The following XYLT1 variants were observed in gnomAD, a reference collection of about 807,000 sequenced individuals.
XYLT1 encodes the protein xylosyltransferase 1.
In XYLT1, 36 loss-of-function variants were observed where a neutral mutation model predicts 91.3. The ratio of observed to expected loss-of-function variants is 0.39; its 90% CI spans 0.30 to 0.52. XYLT1 has a LOEUF of 0.52. Ranked by LOEUF, XYLT1 falls within the 20% of genes least tolerant of loss-of-function variation. The pLI, the probability that XYLT1 is intolerant of heterozygous loss-of-function variation, is 0.68. For missense variants in XYLT1, 1,242 were observed against 1,284.5 expected, an observed-to-expected ratio of 0.97 and a Z score of 0.51; for synonymous variants, 588 against 532.0, an observed-to-expected ratio of 1.11 and a Z score of -1.45.
chr16:17,164,430 T>C (rs1326530293), intron 5 of XYLT1, among the ~76,000 whole-genome samples: 1 of 152,180 alleles, frequency 6.6e-6, no homozygotes, highest in Admixed American at 6.5e-5. Context: ...TGGTACTGGA[T>C]GGATTCACAT....
At chr16:17,240,588 G>A (rs574055806) in intron 3 of XYLT1, among the ~76,000 whole-genome samples, 1 of 152,340 alleles carries the variant, frequency 6.6e-6, no homozygotes, top group East Asian at 1.9e-4. Flanking sequence ...GAATTGGAAG[G>A]TCTTGCTGCT....
At chr16:17,391,973 C>T (rs1419396866) in intron 1 of XYLT1, among the ~76,000 whole-genome samples, 1 of 152,198 alleles carries the variant, frequency 6.6e-6, no homozygotes, top group African/African-American at 2.4e-5. Flanking sequence ...CCATGTGGAA[C>T]GTTGAGTCAG....
At chr16:17,191,827 G>C (rs1207356498) in intron 5 of XYLT1, among the ~76,000 whole-genome samples, 2 of 152,206 alleles carry the variant, frequency 1.3e-5, no homozygotes, top group African/African-American at 2.4e-5. Context: ...ATGTCCATGT[G>C]GTGGGCCCTG....
intron 11 of XYLT1, among the ~76,000 whole-genome samples, chr16:17,116,821 G>A (rs534624752): frequency 6.6e-6 from 1 of 152,138 alleles, no homozygotes; most frequent in African/African-American, 2.4e-5. Flanking sequence ...TATCTGTCAC[G>A]CATTTCCCAA....
chr16:17,344,291 G>A (rs535219706), intron 2 of XYLT1, among the ~76,000 whole-genome samples: 67 of 150,492 alleles, frequency 4.5e-4, no homozygotes, highest in South Asian at 2.7e-3. Context: ...GACCATCCTG[G>A]CTAACACGGT....
chr16:17,371,909 T>A (rs2035538249), intron 1 of XYLT1, among the ~76,000 whole-genome samples: 1 of 152,240 alleles, frequency 6.6e-6, no homozygotes, highest in Non-Finnish European at 1.5e-5. Context: ...CATACAGGTA[T>A]GCATGTGTGG....
rs1307002025 is a variant in XYLT1 at position 17,259,115 on chromosome 16, C to T, written c.786G>A (p.Lys262=). The change falls in exon 3 of 12, where the codon AAG becomes AAA. Residue 262 remains lysine (K), a synonymous_variant. Coordinates refer to ENST00000261381, the MANE Select transcript of XYLT1 (RefSeq NM_022166.4). The part of the protein sequence containing the change: ...DQPPKCDISG[K]EAISALSRAK... ...CACGGGACAGGGCAGAGATGGCCTC[C>T]TTGCCTGAGATGTCACACTTAGGGG... 2 of 1,574,528 alleles carry T rather than the reference C, an allele frequency of 1.3e-6. No individual in the cohort carries two copies. The highest frequency in any genetic ancestry group is 1.7e-6 in the Non-Finnish European group (2 of 1,161,306).
At chr16:17,463,754 G>A (rs1055158368) in intron 1 of XYLT1, among the ~76,000 whole-genome samples, 4 of 152,350 alleles carry the variant, frequency 2.6e-5, no homozygotes, top group Non-Finnish European at 5.9e-5. Flanking sequence ...CCAAAGGAAA[G>A]GAAATCAATA....
chr16:17,125,033 C>G (rs1226759453), intron 10 of XYLT1, among the ~76,000 whole-genome samples: 1 of 152,120 alleles, frequency 6.6e-6, no homozygotes, highest in Non-Finnish European at 1.5e-5. Flanking sequence ...TCACCTTTCT[C>G]TGGTGCCTCC....
chr16:17,294,091 G>A (rs866849036), intron 2 of XYLT1, among the ~76,000 whole-genome samples: 1 of 152,208 alleles, frequency 6.6e-6, no homozygotes, highest in Non-Finnish European at 1.5e-5. Flanking sequence ...CTGGGCGACT[G>A]TGCTGAGAAT....
At chr16:17,134,252 A>G (rs1308133136) in intron 9 of XYLT1, among the ~76,000 whole-genome samples, 2 of 152,244 alleles carry the variant, frequency 1.3e-5, no homozygotes, top group African/African-American at 2.4e-5. Flanking sequence ...CATTGGGTAC[A>G]TAGGATATCT....
intron 2 of XYLT1, among the ~76,000 whole-genome samples, chr16:17,275,444 C>T (rs2033959808): frequency 6.6e-6 from 1 of 152,178 alleles, no homozygotes; most frequent in Admixed American, 6.5e-5. Flanking sequence ...AAAGCAATCA[C>T]TAAGTGAGCT....
chr16:17,164,754 A>AT (rs1245491459), intron 5 of XYLT1, among the ~76,000 whole-genome samples: 3 of 151,962 alleles, frequency 2.0e-5, no homozygotes, highest in Non-Finnish European at 2.9e-5. Context: ...CCTGTATGTT[A>AT]TTTTTTTCCC....
intron 5 of XYLT1, among the ~76,000 whole-genome samples, chr16:17,190,530 T>C (rs1045329420): frequency 2.7e-5 from 4 of 147,294 alleles, no homozygotes; most frequent in African/African-American, 1.0e-4. Context: ...CACCTATGAG[T>C]GAGAACATGT....
intron 1 of XYLT1, among the ~76,000 whole-genome samples, chr16:17,378,079 G>C (rs1404250249): frequency 5.9e-5 from 9 of 152,084 alleles, no homozygotes; most frequent in Non-Finnish European, 1.2e-4. Flanking sequence ...ATGTCACGGG[G>C]GTTTCCTCCA....
Position 17,235,060 on chromosome 16 carries a change from G to GA in XYLT1, c.913+23927dup, listed in dbSNP as rs879941543. 2.4e-3 allele frequency among the ~76,000 whole-genome samples: 338 copies of GA among 143,110 alleles called. 1 individual carries two copies. The highest frequency in any genetic ancestry group is 0.011 in the Middle Eastern group (3 of 278). 93.9% of individuals were successfully genotyped at this position (143,110 alleles called of 152,430 possible). ...TTATGAGAAAATGGGAAAACTTCCT[G>GA]AAAAAAAAAAAAGTAGAGTCATCTT... On this transcript the variant is annotated intron_variant, in intron 3 of 11. Coordinates refer to ENST00000261381, the MANE Select transcript of XYLT1 (RefSeq NM_022166.4).
intron 5 of XYLT1, among the ~76,000 whole-genome samples, chr16:17,188,805 T>C (rs1000032766): frequency 2.0e-5 from 3 of 152,174 alleles, no homozygotes; most frequent in African/African-American, 7.2e-5. Flanking sequence ...AGCAACCCTA[T>C]GGGGTGGTGC....
At chr16:17,394,026 C>T (rs746316494) in intron 1 of XYLT1, among the ~76,000 whole-genome samples, 1 of 152,096 alleles carries the variant, frequency 6.6e-6, no homozygotes, top group African/African-American at 2.4e-5. Context: ...CCACCCACCT[C>T]GGCCTCCCAA....
intron 10 of XYLT1, among the ~76,000 whole-genome samples, chr16:17,118,427 T>G (rs189145970): frequency 2.6e-4 from 39 of 152,344 alleles, no homozygotes; most frequent in African/African-American, 8.7e-4. Context: ...GCAATGGTTC[T>G]GAACAAGAAT....
Sources: gnomAD v4.1 joint callset for allele counts (sites outside exome capture counted in the v4.1 genomes callset) on GRCh38, gnomAD v4.1.1 for gene constraint, MANE v1.5 for transcripts, NCBI Gene and HGNC (gene_info 2026-07-23, HGNC 2026-07-21) for gene names.